The following LDB2 variants were observed in gnomAD, a reference collection of about 807,000 sequenced individuals.
The protein encoded by LDB2 is LIM domain binding 2, also known as LIM domain-binding protein 2.
A neutral mutation model predicts 44.3 loss-of-function variants in LDB2; 12 were observed. That is an observed-to-expected ratio of 0.27 (90% confidence interval 0.17 to 0.44). The LOEUF (loss-of-function observed/expected upper bound fraction) is 0.44, where lower values mean the gene tolerates loss of function less well. Among genes scored for constraint, LDB2 ranks in the 20% least tolerant of loss-of-function variants. The pLI is 1.00. For missense variants in LDB2, 344 were observed against 473.5 expected (o/e 0.73, Z 2.54); for synonymous variants, 164 against 174.8 (o/e 0.94, Z 0.49).
chr4:16,587,779 G>C (rs1331362492), intron 4 of LDB2, among the ~76,000 whole-genome samples: 1 of 152,096 alleles, frequency 6.6e-6, no homozygotes, highest in African/African-American at 2.4e-5. Context: ...AAAACATGGG[G>C]CAACTTACTG....
At chr4:16,545,990 A>G (rs1735611805) in intron 5 of LDB2, among the ~76,000 whole-genome samples, 2 of 152,218 alleles carry the variant, frequency 1.3e-5, no homozygotes, top group South Asian at 2.1e-4. Context: ...GGGTAAGTCT[A>G]ACTCTGCCAG....
chr4:16,659,606 AATTACACACAC>A (rs1393109818), intron 2 of LDB2, among the ~76,000 whole-genome samples: 2,047 of 150,624 alleles, frequency 0.014, 50 homozygotes, highest in African/African-American at 0.048. Context: ...AATATATATG[AATTACACACAC>A]ACACATACAT....
intron 2 of LDB2, among the ~76,000 whole-genome samples, chr4:16,743,268 T>C (rs58170685): frequency 0.086 from 13,079 of 152,008 alleles, 854 homozygotes; most frequent in East Asian, 0.38. Flanking sequence ...CTAGCCTGGG[T>C]GATAGAGTGA....
At chr4:16,714,207 G>T (rs1756543744) in intron 2 of LDB2, among the ~76,000 whole-genome samples, 1 of 152,180 alleles carries the variant, frequency 6.6e-6, no homozygotes, top group Admixed American at 6.5e-5. Context: ...TCGAATGAGG[G>T]TACTGTTTTG....
chr4:16,536,249 C>T (rs1731823539), intron 5 of LDB2, among the ~76,000 whole-genome samples: 1 of 152,186 alleles, frequency 6.6e-6, no homozygotes, highest in Admixed American at 6.5e-5. Context: ...CTTTTATCTC[C>T]CTGGCTGGGT....
intron 2 of LDB2, among the ~76,000 whole-genome samples, chr4:16,718,129 G>T (rs545239195): frequency 2.0e-5 from 3 of 152,008 alleles, no homozygotes; most frequent in South Asian, 4.1e-4. Context: ...AGTATTGATA[G>T]TGTTACATCT....
intron 5 of LDB2, among the ~76,000 whole-genome samples, chr4:16,517,554 T>C (rs2152262459): frequency 6.6e-6 from 1 of 152,234 alleles, no homozygotes; most frequent in East Asian, 1.9e-4. Context: ...TTTTGTTTGG[T>C]CTCTTCCTGG....
chr4:16,806,325 ACT>A (rs912831499), intron 1 of LDB2, among the ~76,000 whole-genome samples: 2 of 151,716 alleles, frequency 1.3e-5, no homozygotes, highest in Admixed American at 6.6e-5. Context: ...TCCCCATGAA[ACT>A]CTGATTTTCT....
intron 1 of LDB2, among the ~76,000 whole-genome samples, chr4:16,813,839 C>G (rs1579912360): frequency 6.6e-6 from 1 of 151,674 alleles, no homozygotes; most frequent in Non-Finnish European, 1.5e-5. Flanking sequence ...GGTAAAGGGG[C>G]TACCCACAGG....
intron 2 of LDB2, among the ~76,000 whole-genome samples, chr4:16,704,108 C>T (rs1754089750): frequency 6.6e-6 from 1 of 152,160 alleles, no homozygotes; most frequent in African/African-American, 2.4e-5. Context: ...GAAAAAAAGG[C>T]ACTCATTCAT....
Position 16,898,473 on chromosome 4 carries a change from G to C in LDB2, c.13C>G (p.Pro5Ala). MSSTPHDPFYSSPFG... is the reference protein window; with the variant it reads MSSTAHDPFYSSPFG... ...GGAGAAGAATAGAAGGGGTCATGTG[G>C]TGTGCTGGACATCTTGCCTGCTTTT... is the stretch of plus-strand genomic sequence containing the variant. Residue 5 changes from proline (P) to alanine (A), a missense_variant, in exon 1 of 8, where the codon CCA (proline) becomes GCA (alanine). Transcript: ENST00000304523. The C allele has an allele frequency of 2.5e-6, 4 of 1,613,758 alleles. No individual in the cohort carries two copies. Among genetic ancestry groups the C allele is most frequent in the Non-Finnish European group, 3.4e-6 (4 of 1,179,908 alleles).
At chr4:16,758,277 A>T (rs1196510678) in intron 2 of LDB2, among the ~76,000 whole-genome samples, 1 of 152,150 alleles carries the variant, frequency 6.6e-6, no homozygotes, top group African/African-American at 2.4e-5. Context: ...TATTACCTAT[A>T]AATTTTTCAA....
At chr4:16,517,965 T>C (rs1173276361) in intron 5 of LDB2, among the ~76,000 whole-genome samples, 1 of 152,152 alleles carries the variant, frequency 6.6e-6, no homozygotes, top group African/African-American at 2.4e-5. Context: ...CAAGGAGTCA[T>C]TTGTTAATGA....
In LDB2 at chr4:16,673,360, T is replaced by C. The variant is rs78644892; in HGVS notation, c.236-77485A>G. On this transcript the variant is annotated intron_variant, in intron 2 of 7. Coordinates refer to ENST00000304523, the MANE Select transcript of LDB2 (RefSeq NM_001290.5). ...AATCCCTAATTGTTGACTAAATGAATAATTATTAGAAGTAGTAGAACTCCA... is the reference window on the plus strand; with the variant it reads ...AATCCCTAATTGTTGACTAAATGAACAATTATTAGAAGTAGTAGAACTCCA... 5.0e-3 allele frequency among the ~76,000 whole-genome samples: 768 copies of C among 152,282 alleles called. 11 individuals carry two copies. Among genetic ancestry groups the C allele is most frequent in the Non-Finnish European group, 6.4e-3 (437 of 68,032 alleles).
intron 1 of LDB2, among the ~76,000 whole-genome samples, chr4:16,844,469 T>TG (rs1786552571): frequency 6.6e-6 from 1 of 152,140 alleles, no homozygotes; most frequent in Admixed American, 6.5e-5. Flanking sequence ...CAAGAACACT[T>TG]GGGGCTCTCT....
chr4:16,786,160 T>C (rs1465479515), intron 1 of LDB2, among the ~76,000 whole-genome samples: 2 of 152,218 alleles, frequency 1.3e-5, no homozygotes, highest in Admixed American at 6.5e-5. Context: ...CAGAATCCTA[T>C]ATCCACCATG....
intron 1 of LDB2, among the ~76,000 whole-genome samples, chr4:16,897,070 C>G (rs1186293373): frequency 6.6e-6 from 1 of 152,156 alleles, no homozygotes; most frequent in African/African-American, 2.4e-5. Context: ...CATATAAGTC[C>G]TTGTCCAGCA....
At chr4:16,837,214 C>T (rs1785027652) in intron 1 of LDB2, among the ~76,000 whole-genome samples, 1 of 152,174 alleles carries the variant, frequency 6.6e-6, no homozygotes, top group Non-Finnish European at 1.5e-5. Context: ...ACTGTTTACT[C>T]TCTGTATGAC....
chr4:16,801,216 G>T (rs572339352), intron 1 of LDB2, among the ~76,000 whole-genome samples: 1 of 152,154 alleles, frequency 6.6e-6, no homozygotes, highest in Admixed American at 6.5e-5. Flanking sequence ...AGCCCATCCT[G>T]TAAGCTCTTA....
Sources: gnomAD v4.1 joint callset for allele counts (sites outside exome capture counted in the v4.1 genomes callset) on GRCh38, gnomAD v4.1.1 for gene constraint, MANE v1.5 for transcripts, NCBI Gene and HGNC (gene_info 2026-07-23, HGNC 2026-07-21) for gene names.